Variants in USH2A observed in about 807,000 individuals in gnomAD.
USH2A encodes the protein usherin, also known as Usher syndrome 2A (autosomal recessive, mild).
A neutral mutation model predicts 538.9 loss-of-function variants in USH2A; 443 were observed. That is an observed-to-expected ratio of 0.82 (90% confidence interval 0.76 to 0.89). The LOEUF is 0.89. Ranked by LOEUF, USH2A falls within the 40% of genes least tolerant of loss-of-function variation. The pLI, the probability that USH2A is intolerant of heterozygous loss-of-function variation, is 0.00. For missense variants in USH2A, 6,633 were observed against 6,324.8 expected (o/e 1.05, Z -1.65); for synonymous variants, 2,413 against 2,273.5 (o/e 1.06, Z -1.75).
Position 216,325,618 on chromosome 1 carries a change from A to G in USH2A, c.849-19T>C. On this transcript the variant is annotated intron_variant, in intron 5 of 71. Transcript: ENST00000307340. ...AATCTCTCTGTGGGAGTCAAGAGGG[A>G]GACTGTAAGGACAAAGAGCTTAACA... is the stretch of plus-strand genomic sequence containing the variant. 6.2e-7 allele frequency: 1 copy of G among 1,610,800 alleles called. No homozygotes were observed. Among genetic ancestry groups the G allele is most frequent in the Non-Finnish European group, 8.5e-7 (1 of 1,178,786 alleles).
intron 3 of USH2A, among the ~76,000 whole-genome samples, chr1:216,384,486 A>C (rs2038972973): frequency 6.6e-6 from 1 of 152,192 alleles, no homozygotes; most frequent in Non-Finnish European, 1.5e-5. Flanking sequence ...TTTGAGGAAT[A>C]GGCACTCTGA....
At chr1:215,732,540 CTTTCTTTTT>C (rs1660028234) in intron 60 of USH2A, among the ~76,000 whole-genome samples, 10 of 83,508 alleles carry the variant, frequency 1.2e-4, no homozygotes, top group East Asian at 3.5e-4. Context: ...CTCCTTTTTT[CTTTCTTTTT>C]TTTTTTTTTT....
At chr1:216,366,537 A>G (rs566854249) in intron 3 of USH2A, among the ~76,000 whole-genome samples, 1 of 152,112 alleles carries the variant, frequency 6.6e-6, no homozygotes, top group Non-Finnish European at 1.5e-5. Context: ...ATTCTCAAAC[A>G]TCTTAAAATC....
At chr1:215,878,644 G>A (rs189728502) in intron 42 of USH2A, 120 bp downstream of exon 42, 45 of 941,988 alleles carry the variant, frequency 4.8e-5, no homozygotes, top group Non-Finnish European at 3.8e-5. Context: ...TATGAGTCAG[G>A]GGATATTCAA....
chr1:216,182,076 G>T (rs1465562975), intron 20 of USH2A, among the ~76,000 whole-genome samples: 1 of 151,998 alleles, frequency 6.6e-6, no homozygotes, highest in Non-Finnish European at 1.5e-5. Context: ...AAATTAAAAG[G>T]AGGGGGCACT....
At chr1:216,098,037 A>C in intron 21 of USH2A, among the ~76,000 whole-genome samples, 1 of 146,348 alleles carries the variant, frequency 6.8e-6, no homozygotes, top group Admixed American at 6.8e-5. Context: ...CCCCATCTCC[A>C]GTCCTATGAA....
chr1:215,810,027 A>G (rs1427048813), intron 49 of USH2A, among the ~76,000 whole-genome samples: 1 of 152,158 alleles, frequency 6.6e-6, no homozygotes, highest in Non-Finnish European at 1.5e-5. Flanking sequence ...AGTGGGATTA[A>G]TGATTGGAGC....
At chr1:215,839,292 T>G (rs1663611925) in intron 46 of USH2A, among the ~76,000 whole-genome samples, 1 of 152,204 alleles carries the variant, frequency 6.6e-6, no homozygotes, top group Non-Finnish European at 1.5e-5. Flanking sequence ...CTGTGATACA[T>G]AATGAGATAA....
intron 63 of USH2A, among the ~76,000 whole-genome samples, chr1:215,671,968 T>C (rs12132749): frequency 0.23 from 35,281 of 152,024 alleles, 4,798 homozygotes; most frequent in South Asian, 0.49. Flanking sequence ...ACAAAGACCT[T>C]GCGGGGCCAA....
intron 27 of USH2A, among the ~76,000 whole-genome samples, chr1:216,076,056 C>T (rs2031737975): frequency 6.6e-6 from 1 of 152,120 alleles, no homozygotes; most frequent in South Asian, 2.1e-4. Flanking sequence ...TGACTAGTCT[C>T]CCTGATCACC....
chr1:216,156,229 T>C (rs936592026), intron 21 of USH2A, among the ~76,000 whole-genome samples: 2 of 151,934 alleles, frequency 1.3e-5, no homozygotes, highest in African/African-American at 4.8e-5. Context: ...TGATACATGA[T>C]ACTTTCTCTA....
chr1:215,660,225 C>T (rs1657399210), intron 64 of USH2A, among the ~76,000 whole-genome samples: 1 of 152,122 alleles, frequency 6.6e-6, no homozygotes, highest in East Asian at 1.9e-4. Context: ...TGTTTCTCAC[C>T]TGTAAAATAG....
chr1:216,124,607 G>A (rs2033211097), intron 21 of USH2A, among the ~76,000 whole-genome samples: 1 of 152,156 alleles, frequency 6.6e-6, no homozygotes, highest in South Asian at 2.1e-4. Context: ...AGAAATATAA[G>A]ATCAAGATAA....
Position 215,814,133 on chromosome 1 carries a change from T to A in USH2A, c.9571-229A>T, listed in dbSNP as rs536719452. The stretch of plus-strand genomic sequence containing the variant: ...TCTTCAACCATGCTTTGTGCTCTAT[T>A]ATAATACTATATAATATAATATGTA... On this transcript the variant is annotated intron_variant, in intron 48 of 71. Transcript: ENST00000307340. Among the ~76,000 whole-genome samples, 95 of 148,298 alleles carry A rather than the reference T, an allele frequency of 6.4e-4. 4 individuals are homozygous for A. In the South Asian group the frequency reaches 0.015, roughly 23 times the overall value.
chr1:216,166,258 C>T (rs570031803), intron 21 of USH2A, among the ~76,000 whole-genome samples: 11 of 152,062 alleles, frequency 7.2e-5, no homozygotes, highest in African/African-American at 2.7e-4. Context: ...TGAGGGCATA[C>T]CCGGCAAAGG....
At chr1:216,222,614 G>A (rs558300922) in intron 14 of USH2A, among the ~76,000 whole-genome samples, 2 of 152,282 alleles carry the variant, frequency 1.3e-5, no homozygotes, top group Admixed American at 6.5e-5. Flanking sequence ...GAGAAAACAT[G>A]TAAGGACATA....
intron 14 of USH2A, among the ~76,000 whole-genome samples, chr1:216,230,410 C>G (rs1043036035): frequency 1.3e-5 from 2 of 152,190 alleles, no homozygotes; most frequent in Admixed American, 1.3e-4. Context: ...TCACAATGGT[C>G]TCAGACCATC....
intron 38 of USH2A, among the ~76,000 whole-genome samples, chr1:215,929,076 T>C (rs1666302468): frequency 6.6e-6 from 1 of 152,110 alleles, no homozygotes; most frequent in African/African-American, 2.4e-5. Flanking sequence ...ATATATGTAT[T>C]TGAGGACAAT....
intron 61 of USH2A, among the ~76,000 whole-genome samples, chr1:215,701,913 G>C (rs995859956): frequency 6.6e-6 from 1 of 152,174 alleles, no homozygotes; most frequent in African/African-American, 2.4e-5. Context: ...TGATAGTGTT[G>C]ATCGTCTTTA....
Sources: gnomAD v4.1 joint callset for allele counts (sites outside exome capture counted in the v4.1 genomes callset) on GRCh38, gnomAD v4.1.1 for gene constraint, MANE v1.5 for transcripts, NCBI Gene and HGNC (gene_info 2026-07-23, HGNC 2026-07-21) for gene names.